OTULIN: variants seen among roughly 807,000 people sequenced by gnomAD.
OTULIN encodes the protein ubiquitin thioesterase otulin.
OTULIN carries 15 observed loss-of-function variants against 39.6 expected under a neutral mutation model. The observed-to-expected ratio is 0.38, with a 90% CI of 0.25 to 0.58. The LOEUF is 0.58. OTULIN is among the 20% of genes least tolerant of loss of function. The pLI is 0.66. For synonymous variants in OTULIN, 156 were observed against 170.3 expected, an observed-to-expected ratio of 0.92 and a Z score of 0.65; for missense variants, 319 against 445.9, an observed-to-expected ratio of 0.72 and a Z score of 2.56.
the OTULIN span, among the ~76,000 whole-genome samples, chr5:14,715,720 C>T: frequency 1.3e-5 from 2 of 152,158 alleles, no homozygotes; most frequent in Admixed American, 1.3e-4. Flanking sequence ...CAGACATACA[C>T]GTGCTACATA....
intron 4 of OTULIN, among the ~76,000 whole-genome samples, chr5:14,684,243 A>C (rs1736329321): frequency 6.6e-6 from 1 of 152,208 alleles, no homozygotes; most frequent in South Asian, 2.1e-4. Flanking sequence ...TAAACGTTGG[A>C]TCTGAATGTT....
chr5:14,665,509 A>C (rs547448821), intron 1 of OTULIN, among the ~76,000 whole-genome samples: 9 of 152,206 alleles, frequency 5.9e-5, no homozygotes, highest in Non-Finnish European at 8.8e-5. Context: ...AAGGAAAGTC[A>C]GTGCTGGTTA....
At chr5:14,709,907 A>G in the OTULIN span, 2 of 152,596 alleles carry the variant, frequency 1.3e-5, no homozygotes, top group Non-Finnish European at 2.9e-5. Flanking sequence ...ATATATTTAT[A>G]TCTTTAAAAT....
intron 1 of OTULIN, among the ~76,000 whole-genome samples, chr5:14,667,843 T>C (rs534477446): frequency 1.3e-5 from 2 of 152,330 alleles, no homozygotes; most frequent in African/African-American, 4.8e-5. Flanking sequence ...AAGAACTCTT[T>C]TGTCAGACCA....
At chr5:14,704,255 G>A (rs530637509), downstream of OTULIN, among the ~76,000 whole-genome samples, 35 of 150,404 alleles carry the variant, frequency 2.3e-4, no homozygotes, top group Non-Finnish European at 3.4e-4. Flanking sequence ...GCTCGAACCC[G>A]GGAGGCAGAG....
chr5:14,676,126 T>C (rs755204161), intron 2 of OTULIN, among the ~76,000 whole-genome samples: 1 of 152,234 alleles, frequency 6.6e-6, no homozygotes, highest in Non-Finnish European at 1.5e-5. Flanking sequence ...GTTTCAGTTT[T>C]AACTTCCCGC....
chr5:14,702,793 A>G (rs980302680), downstream of OTULIN, among the ~76,000 whole-genome samples: 18 of 152,194 alleles, frequency 1.2e-4, no homozygotes, highest in African/African-American at 3.4e-4. Flanking sequence ...AAGTTTGGAA[A>G]TAATGATTGT....
At chr5:14,707,464 A>G in the OTULIN span, 2 of 152,220 alleles carry the variant, frequency 1.3e-5, no homozygotes, top group Non-Finnish European at 2.9e-5. Flanking sequence ...TATTCTGAAA[A>G]TATAAGTGAA....
intron 3 of OTULIN, 113 bp from the exon 4 acceptor site, chr5:14,681,351 C>T (rs1192366904): frequency 2.4e-6 from 3 of 1,258,952 alleles, no homozygotes; most frequent in Non-Finnish European, 3.3e-6. Flanking sequence ...AAAACTCCAA[C>T]TTTGGGCATC....
chr5:14,680,317 ATTCAC>A (rs1736213709), intron 3 of OTULIN, among the ~76,000 whole-genome samples: 3 of 152,208 alleles, frequency 2.0e-5, no homozygotes, highest in Non-Finnish European at 4.4e-5. Flanking sequence ...GTACTTTTAT[ATTCAC>A]TTAAAACATC....
chr5:14,713,616 A>C, the OTULIN span: 1 of 1,614,058 alleles, frequency 6.2e-7, no homozygotes, highest in Non-Finnish European at 8.5e-7. The surrounding 1 kb of genome is among the most constrained non-coding windows in gnomAD (Gnocchi z 4.4). Flanking sequence ...GGCAAGGACG[A>C]AGGTTTTCTT....
chr5:14,711,954 G>A, the OTULIN span, among the ~76,000 whole-genome samples: 6 of 152,296 alleles, frequency 3.9e-5, no homozygotes, highest in East Asian at 3.9e-4. Context: ...TGCCAACCCC[G>A]CTGGTCCCCC....
chr5:14,679,945 C>T (rs1736204322), intron 3 of OTULIN, among the ~76,000 whole-genome samples: 1 of 152,120 alleles, frequency 6.6e-6, no homozygotes, highest in African/African-American at 2.4e-5. Context: ...ACCTCTAGCC[C>T]ATCAGGACCC....
chr5:14,716,254 C>G, the OTULIN span, among the ~76,000 whole-genome samples: 2 of 152,150 alleles, frequency 1.3e-5, no homozygotes, highest in Admixed American at 6.5e-5. Flanking sequence ...GTAATCCCAG[C>G]ACTTTGCCGA....
At chr5:14,666,202 A>G (rs531084136) in intron 1 of OTULIN, among the ~76,000 whole-genome samples, 2 of 152,306 alleles carry the variant, frequency 1.3e-5, no homozygotes, top group African/African-American at 2.4e-5. Context: ...CTCCTGAGCA[A>G]TGCAGAAACT....
chr5:14,675,488 C>T (rs959152642), intron 2 of OTULIN, among the ~76,000 whole-genome samples: 2 of 152,214 alleles, frequency 1.3e-5, no homozygotes, highest in African/African-American at 4.8e-5. Context: ...TTGAAGAATG[C>T]TCTGTCTCTA....
At chr5:14,674,592 A>G (rs1197455005) in intron 2 of OTULIN, among the ~76,000 whole-genome samples, 3 of 152,130 alleles carry the variant, frequency 2.0e-5, no homozygotes, top group African/African-American at 7.2e-5. Flanking sequence ...TTGTGTCTAC[A>G]AAAAATACAA....
At position 14,698,378 on chromosome 5, in the gene OTULIN, CAT is replaced by C. The variant is rs1162311405; in HGVS notation, c.*5331_*5332del. ...CCAAAATTTCGCCTGCTCTGAAAAA[CAT>C]GCCCCCGAGGCTCTGTGCAGTTTGG... is the stretch of plus-strand genomic sequence containing the variant. On this transcript the variant is annotated 3_prime_UTR_variant, in exon 7 of 7. Coordinates refer to ENST00000284274, the MANE Select transcript of OTULIN (RefSeq NM_138348.6). 1.3e-5 allele frequency: 2 copies of C among 152,242 alleles called. No homozygotes were observed. The highest frequency in any genetic ancestry group is 2.9e-5 in the Non-Finnish European group (2 of 68,058). 9.4% of individuals were successfully genotyped at this position (152,242 alleles called of 1,614,324 possible).
chr5:14,702,614 C>G (rs1306339194), downstream of OTULIN, among the ~76,000 whole-genome samples: 1 of 152,124 alleles, frequency 6.6e-6, no homozygotes, highest in Non-Finnish European at 1.5e-5. Context: ...TGAGGAAACG[C>G]TTTTTACCTC....
Sources: allele counts gnomAD v4.1 joint callset (sites outside exome capture counted in the v4.1 genomes callset), GRCh38; gene constraint gnomAD v4.1.1; non-coding constraint Gnocchi (gnomAD v3.1); transcripts MANE v1.5; gene names NCBI Gene and HGNC (gene_info 2026-07-23, HGNC 2026-07-21).